The following KIAA1328 variants were observed in gnomAD, a reference collection of about 807,000 sequenced individuals.
The protein encoded by KIAA1328 is KIAA1328.
In KIAA1328, 52 loss-of-function variants were observed where a neutral mutation model predicts 68.1. That is an observed-to-expected ratio of 0.76 (90% confidence interval 0.61 to 0.96). The LOEUF is 0.96. Among genes scored for constraint, KIAA1328 ranks in the 40% least tolerant of loss-of-function variants. The pLI is 0.00. For synonymous variants in KIAA1328, 232 were observed against 239.4 expected (o/e 0.97, Z 0.28); for missense variants, 641 against 677.6 (o/e 0.95, Z 0.60).
At position 37,067,594 on chromosome 18, in the gene KIAA1328, C is replaced by T. The variant is rs759169053; in HGVS notation, c.1232+49C>T. The T allele has an allele frequency of 1.8e-5, 26 of 1,443,720 alleles. No homozygotes were observed. The South Asian group carries it at 3.9e-4, about 22-fold the overall frequency. The allele number at this position is 1,443,720 out of a possible 1,614,324, so 89.4% of individuals were successfully genotyped here. On this transcript the variant is annotated intron_variant, in intron 7 of 9. Coordinates refer to ENST00000280020, the MANE Select transcript of KIAA1328 (RefSeq NM_020776.3). ...TTTTTTTTTTGAGACGAAATCTCGCCCTGTTGCCCAGGCTGGAGTGTAGTG... is the reference window on the plus strand; with the variant it reads ...TTTTTTTTTTGAGACGAAATCTCGCTCTGTTGCCCAGGCTGGAGTGTAGTG...
At chr18:36,989,003 C>T (rs1409346635) in intron 6 of KIAA1328, among the ~76,000 whole-genome samples, 6 of 152,032 alleles carry the variant, frequency 3.9e-5, no homozygotes, top group Non-Finnish European at 8.8e-5. Flanking sequence ...AGTTCACTTC[C>T]CTGTTATTAT....
chr18:36,879,903 T>C (rs1348753325), intron 4 of KIAA1328, among the ~76,000 whole-genome samples: 1 of 152,160 alleles, frequency 6.6e-6, no homozygotes, highest in Non-Finnish European at 1.5e-5. Context: ...GAGTCCCAGG[T>C]TGACTTCAGA....
intron 6 of KIAA1328, among the ~76,000 whole-genome samples, chr18:37,065,923 C>T (rs955920242): frequency 6.6e-6 from 1 of 152,116 alleles, no homozygotes; most frequent in Non-Finnish European, 1.5e-5. Context: ...CTCAACCTTC[C>T]CAGGCCAAGC....
At chr18:37,209,360 C>T (rs1168138202) in intron 9 of KIAA1328, among the ~76,000 whole-genome samples, 1 of 151,856 alleles carries the variant, frequency 6.6e-6, no homozygotes, top group Admixed American at 6.6e-5. Context: ...TACCTTGTGC[C>T]AGATACCATG....
Position 36,968,090 on chromosome 18 carries a change from C to T in KIAA1328, c.576+8655C>T, listed in dbSNP as rs761113946. On this transcript the variant is annotated intron_variant, in intron 6 of 9. Coordinates refer to ENST00000280020, the MANE Select transcript of KIAA1328 (RefSeq NM_020776.3). ...TACCACCAGACCTGGTACCTGGTAC[C>T]ACCAGACCTGCTTTACAAGAGCTCC... Among the ~76,000 whole-genome samples, 186 of 152,166 alleles carry T rather than the reference C, an allele frequency of 1.2e-3. 2 individuals carry two copies. The Middle Eastern group carries it at 0.027, about 22-fold the overall frequency.
chr18:37,218,264 CTT>C (rs1568547265), intron 9 of KIAA1328, among the ~76,000 whole-genome samples: 1 of 152,224 alleles, frequency 6.6e-6, no homozygotes, highest in Non-Finnish European at 1.5e-5. Context: ...GTTGTTATCT[CTT>C]TGAGCAAAAC....
At chr18:36,868,992 G>T (rs147110539) in intron 4 of KIAA1328, among the ~76,000 whole-genome samples, 3 of 148,904 alleles carry the variant, frequency 2.0e-5, no homozygotes, top group South Asian at 2.1e-4. Context: ...CATTGATTGC[G>T]TACAATATGA....
At chr18:36,954,128 G>A (rs966110630) in intron 5 of KIAA1328, among the ~76,000 whole-genome samples, 6 of 150,040 alleles carry the variant, frequency 4.0e-5, no homozygotes, top group African/African-American at 7.3e-5. Context: ...TCAGTCTCCC[G>A]AGTAGCTGGG....
intron 7 of KIAA1328, among the ~76,000 whole-genome samples, chr18:37,083,105 A>G (rs1293807452): frequency 6.6e-6 from 1 of 152,210 alleles, no homozygotes; most frequent in Non-Finnish European, 1.5e-5. Context: ...TAGTATATAT[A>G]AAATGTACTC....
intron 7 of KIAA1328, among the ~76,000 whole-genome samples, chr18:37,108,746 G>A (rs2057844456): frequency 6.6e-6 from 1 of 151,962 alleles, no homozygotes; most frequent in African/African-American, 2.4e-5. Flanking sequence ...CTTTACCCTT[G>A]CCACAGACAC....
chr18:37,215,045 T>C (rs2060399902), intron 9 of KIAA1328, among the ~76,000 whole-genome samples: 1 of 152,314 alleles, frequency 6.6e-6, no homozygotes, highest in South Asian at 2.1e-4. Flanking sequence ...TTAAGGAGAT[T>C]TGGGGCTGAG....
At chr18:37,155,546 C>G (rs2059134452) in intron 7 of KIAA1328, among the ~76,000 whole-genome samples, 2 of 152,186 alleles carry the variant, frequency 1.3e-5, no homozygotes, top group African/African-American at 2.4e-5. Context: ...TTCTCTATTG[C>G]AAACCTTCAT....
chr18:36,926,546 C>G (rs961601439), intron 5 of KIAA1328, among the ~76,000 whole-genome samples: 10 of 152,102 alleles, frequency 6.6e-5, no homozygotes, highest in African/African-American at 2.4e-4. Flanking sequence ...CCAGGTTTCT[C>G]CACTGTAGTG....
intron 6 of KIAA1328, among the ~76,000 whole-genome samples, chr18:37,062,431 G>GT (rs1032646270): frequency 2.8e-4 from 42 of 149,256 alleles, no homozygotes; most frequent in Middle Eastern, 3.4e-3. Context: ...AATAGATGTG[G>GT]TTTTTTTTGT....
intron 6 of KIAA1328, among the ~76,000 whole-genome samples, chr18:37,012,230 C>T (rs1464639324): frequency 6.6e-6 from 1 of 152,136 alleles, no homozygotes; most frequent in Non-Finnish European, 1.5e-5. Flanking sequence ...AATCTATTTG[C>T]CACTTTCACA....
At chr18:36,894,187 A>AAG (rs2048795170) in intron 5 of KIAA1328, among the ~76,000 whole-genome samples, 3 of 152,194 alleles carry the variant, frequency 2.0e-5, no homozygotes, top group Admixed American at 2.0e-4. Flanking sequence ...CGATACAAAT[A>AAG]TCAATAAGCC....
intron 7 of KIAA1328, among the ~76,000 whole-genome samples, chr18:37,097,029 G>A (rs2057432171): frequency 6.6e-6 from 1 of 152,150 alleles, no homozygotes; most frequent in African/African-American, 2.4e-5. Flanking sequence ...TAGATTGCCT[G>A]TTCACTCTGA....
At chr18:37,016,690 T>C (rs1382960196) in intron 6 of KIAA1328, among the ~76,000 whole-genome samples, 1 of 152,110 alleles carries the variant, frequency 6.6e-6, no homozygotes, top group Non-Finnish European at 1.5e-5. Context: ...CTGATTCAAT[T>C]TTGGGAGATT....
At chr18:36,899,497 A>G (rs1471038054) in intron 5 of KIAA1328, among the ~76,000 whole-genome samples, 1 of 151,858 alleles carries the variant, frequency 6.6e-6, no homozygotes, top group Admixed American at 6.6e-5. Context: ...GTGATAGTAT[A>G]TCTAAATTGC....
Sources: allele counts gnomAD v4.1 joint callset (sites outside exome capture counted in the v4.1 genomes callset), GRCh38; gene constraint gnomAD v4.1.1; transcripts MANE v1.5; gene names NCBI Gene and HGNC (gene_info 2026-07-23, HGNC 2026-07-21).